EBF1: variants seen among roughly 807,000 people sequenced by gnomAD.
The protein encoded by EBF1 is EBF transcription factor 1, also known as transcription factor COE1.
EBF1 carries 10 observed loss-of-function variants against 68.4 expected under a neutral mutation model. The ratio of observed to expected loss-of-function variants is 0.15; its 90% CI spans 0.09 to 0.25. The LOEUF (loss-of-function observed/expected upper bound fraction) is 0.25, where lower values mean the gene tolerates loss of function less well. EBF1 is among the 10% of genes least tolerant of loss of function. EBF1 has a pLI of 1.00. For synonymous variants in EBF1, 298 were observed against 299.8 expected (o/e 0.99, Z 0.06); for missense variants, 509 against 794.4 (o/e 0.64, Z 4.32).
At chr5:158,820,356 A>T (rs1278093416) in intron 8 of EBF1, among the ~76,000 whole-genome samples, 3 of 152,212 alleles carry the variant, frequency 2.0e-5, no homozygotes, top group South Asian at 2.1e-4. Context: ...ACTTTTCAAC[A>T]GCAAAATAAA....
chr5:158,843,480 C>A (rs1374342222), intron 6 of EBF1, among the ~76,000 whole-genome samples: 1 of 152,204 alleles, frequency 6.6e-6, no homozygotes, highest in Non-Finnish European at 1.5e-5. Flanking sequence ...CACACCAGAT[C>A]CCTGTTACCC....
intron 6 of EBF1, among the ~76,000 whole-genome samples, chr5:159,045,950 T>G (rs960070259): frequency 6.6e-6 from 1 of 152,188 alleles, no homozygotes; most frequent in Non-Finnish European, 1.5e-5. Flanking sequence ...ATAGCCTATC[T>G]GAGCTTTGTT....
rs115129400 is a variant in EBF1, at chr5:158,910,244, C to T, written c.555-70134G>A. On this transcript the variant is annotated intron_variant, in intron 6 of 15. Transcript: ENST00000313708. The stretch of plus-strand genomic sequence containing the variant: ...ACTGTTCCTATCAGAAACAGGGTGG[C>T]CACCCACCAAGCTGTGGTTCTTCCA... Among the ~76,000 whole-genome samples, 701 of 152,278 alleles carry T rather than the reference C, an allele frequency of 4.6e-3. 4 individuals are homozygous for T. Among genetic ancestry groups the T allele is most frequent in the African/African-American group, 0.015 (642 of 41,552 alleles).
chr5:158,762,310 C>A (rs1290250806), intron 10 of EBF1, among the ~76,000 whole-genome samples: 1 of 152,026 alleles, frequency 6.6e-6, no homozygotes, highest in Non-Finnish European at 1.5e-5. Flanking sequence ...AATGAGCTAC[C>A]CTTAATTAGC....
At chr5:158,994,886 T>C (rs1482818954) in intron 6 of EBF1, among the ~76,000 whole-genome samples, 2 of 152,162 alleles carry the variant, frequency 1.3e-5, no homozygotes, top group Non-Finnish European at 2.9e-5. Flanking sequence ...TTCATTTTGA[T>C]TATCAAAAAT....
At chr5:159,096,146 G>T in intron 3 of EBF1, 197 bp downstream of exon 3, 1 of 612,412 alleles carries the variant, frequency 1.6e-6, no homozygotes, top group Non-Finnish European at 2.8e-6. Context: ...GTAAACGCGA[G>T]ACCGATAAGG....
At chr5:158,792,964 C>G (rs1561941715) in intron 9 of EBF1, among the ~76,000 whole-genome samples, 1 of 152,130 alleles carries the variant, frequency 6.6e-6, no homozygotes, top group Non-Finnish European at 1.5e-5. Context: ...GCAATGTGAG[C>G]CTATCACCCT....
At chr5:158,931,937 GTTTT>G (rs904653285) in intron 6 of EBF1, among the ~76,000 whole-genome samples, 1 of 151,736 alleles carries the variant, frequency 6.6e-6, no homozygotes, top group Non-Finnish European at 1.5e-5. Flanking sequence ...TCTCTTCACA[GTTTT>G]TTTTGTTTGC....
At chr5:158,798,730 T>G (rs1561958343) in intron 8 of EBF1, among the ~76,000 whole-genome samples, 1 of 152,228 alleles carries the variant, frequency 6.6e-6, no homozygotes, top group African/African-American at 2.4e-5. Context: ...CAAAGCTATA[T>G]GTCAATGCCT....
At chr5:158,937,371 AC>A (rs1812240265) in intron 6 of EBF1, among the ~76,000 whole-genome samples, 1 of 152,120 alleles carries the variant, frequency 6.6e-6, no homozygotes, top group Admixed American at 6.5e-5. Context: ...GGCAAATTGG[AC>A]AGAAATCAAA....
intron 5 of EBF1, 65 bp from the exon 6 acceptor site, chr5:159,073,529 C>T (rs1481399679): frequency 1.3e-6 from 2 of 1,574,912 alleles, no homozygotes; most frequent in East Asian, 4.5e-5. Flanking sequence ...TTTAGGCAGA[C>T]AGAAGGCTCA....
intron 6 of EBF1, among the ~76,000 whole-genome samples, chr5:159,050,093 T>A (rs911637807): frequency 6.6e-6 from 1 of 151,972 alleles, no homozygotes; most frequent in African/African-American, 2.4e-5. Context: ...GTCAAGAAAG[T>A]GGATACAGGA....
intron 14 of EBF1, among the ~76,000 whole-genome samples, chr5:158,708,505 C>T (rs1387028258): frequency 1.3e-5 from 2 of 152,220 alleles, no homozygotes; most frequent in African/African-American, 2.4e-5. Flanking sequence ...AATCCAAATG[C>T]ACCGAGTGCC....
intron 6 of EBF1, among the ~76,000 whole-genome samples, chr5:159,040,970 T>C (rs1771086990): frequency 6.6e-6 from 1 of 150,736 alleles, no homozygotes; most frequent in African/African-American, 2.4e-5. Flanking sequence ...GAGACACCAA[T>C]AAACAGATTT....
intron 9 of EBF1, among the ~76,000 whole-genome samples, chr5:158,795,004 T>C (rs1779355569): frequency 6.6e-6 from 1 of 152,224 alleles, no homozygotes; most frequent in Non-Finnish European, 1.5e-5. Flanking sequence ...ACCAAATGCA[T>C]ACCCCTTGTT....
intron 6 of EBF1, among the ~76,000 whole-genome samples, chr5:159,050,152 T>TCTC (rs1773250844): frequency 4.4e-5 from 6 of 135,540 alleles, no homozygotes; most frequent in African/African-American, 1.4e-4. Flanking sequence ...TCGTTTCTCT[T>TCTC]TCTCTCTCTC....
intron 6 of EBF1, among the ~76,000 whole-genome samples, chr5:159,065,099 G>C (rs1776560004): frequency 6.6e-6 from 1 of 151,942 alleles, no homozygotes; most frequent in South Asian, 2.1e-4. Flanking sequence ...TAACAGATCA[G>C]AATACTTATG....
In EBF1 at chr5:158,945,142, T is replaced by C. The variant is rs574296022; in HGVS notation, c.555-105032A>G. On this transcript the variant is annotated intron_variant, in intron 6 of 15. Coordinates refer to ENST00000313708, the MANE Select transcript of EBF1 (RefSeq NM_024007.5). ...TTTAGTATTTTAGTCATGAAGTCTT[T>C]GCCCATGCCTATGTCCTAAATGGTA... Among the ~76,000 whole-genome samples the C allele has an allele frequency of 1.8e-3, 281 of 152,376 alleles. 2 individuals carry two copies. The highest frequency in any genetic ancestry group is 6.6e-3 in the African/African-American group (275 of 41,592).
intron 6 of EBF1, among the ~76,000 whole-genome samples, chr5:159,070,420 C>A (rs945472372): frequency 2.6e-5 from 4 of 152,144 alleles, no homozygotes; most frequent in African/African-American, 9.7e-5. Flanking sequence ...TCACAGTTTG[C>A]AACTGCTGAT....
Sources: allele counts gnomAD v4.1 joint callset (sites outside exome capture counted in the v4.1 genomes callset), GRCh38; gene constraint gnomAD v4.1.1; transcripts MANE v1.5; gene names NCBI Gene and HGNC (gene_info 2026-07-23, HGNC 2026-07-21).